FOXJ3: variants seen among roughly 807,000 people sequenced by gnomAD.
The protein encoded by FOXJ3 is forkhead box J3.
FOXJ3 carries 22 observed loss-of-function variants against 76.1 expected under a neutral mutation model. That is an observed-to-expected ratio of 0.29 (90% CI 0.21 to 0.41). The LOEUF is 0.41. Among genes scored for constraint, FOXJ3 ranks in the 10% least tolerant of loss-of-function variants. The pLI is 1.00. For missense variants in FOXJ3, 613 were observed against 762.1 expected (o/e 0.80, Z 2.30); for synonymous variants, 269 against 261.2 (o/e 1.03, Z -0.29).
chr1:42,326,777 T>C (rs114023525), intron 1 of FOXJ3, among the ~76,000 whole-genome samples: 24 of 152,310 alleles, frequency 1.6e-4, no homozygotes, highest in African/African-American at 5.8e-4. Context: ...GATATTATCA[T>C]ATGTTCTGCT....
chr1:42,330,413 G>A (rs911927666), intron 1 of FOXJ3, among the ~76,000 whole-genome samples: 2 of 152,172 alleles, frequency 1.3e-5, no homozygotes, highest in East Asian at 1.9e-4. Flanking sequence ...CAGGGTTGGC[G>A]GATCACTTGA....
rs61753350 is a variant in FOXJ3, at chr1:42,189,383, G to A, written c.1373C>T (p.Ala458Val). 1.9e-5 allele frequency: 31 copies of A among 1,611,342 alleles called. No individual in the cohort carries two copies. The highest frequency in any genetic ancestry group is 4.0e-5 in the African/African-American group (3 of 74,854). Residue 458 changes from alanine to valine, a missense_variant, in exon 10 of 13, where the codon GCG becomes GTG. Coordinates refer to ENST00000361346, the MANE Select transcript of FOXJ3 (RefSeq NM_014947.5). ...CNSGVSNDWY[A>V]TLDMLKESCR... ...GCTTTCTTTTAGCATATCAAGTGTC[G>A]CATACCAATCATTTGAAACACCTAT...
At chr1:42,253,860 C>G (rs1166584214) in intron 4 of FOXJ3, among the ~76,000 whole-genome samples, 1 of 152,046 alleles carries the variant, frequency 6.6e-6, no homozygotes, top group East Asian at 1.9e-4. Flanking sequence ...CATAAAAACC[C>G]TAGAAGAAAA....
At chr1:42,300,119 G>A (rs776101883) in intron 2 of FOXJ3, among the ~76,000 whole-genome samples, 2 of 152,044 alleles carry the variant, frequency 1.3e-5, no homozygotes, top group Non-Finnish European at 2.9e-5. Flanking sequence ...AGCATCACTT[G>A]TACCCGGGAG....
chr1:42,322,952 T>C (rs182705175), intron 1 of FOXJ3, among the ~76,000 whole-genome samples: 3 of 152,278 alleles, frequency 2.0e-5, no homozygotes, highest in East Asian at 3.9e-4. Context: ...TGTTTTAATA[T>C]AGAATTAAAA....
intron 4 of FOXJ3, among the ~76,000 whole-genome samples, chr1:42,259,733 A>C (rs1650889707): frequency 6.6e-6 from 1 of 152,260 alleles, no homozygotes; most frequent in Non-Finnish European, 1.5e-5. Flanking sequence ...AATGGCACTA[A>C]TCCATTTCTT....
At chr1:42,199,623 TA>T (rs34647911) in intron 6 of FOXJ3, among the ~76,000 whole-genome samples, 51,095 of 145,522 alleles carry the variant, frequency 0.35, 10,297 homozygotes, top group African/African-American at 0.59. Flanking sequence ...ACGAAGCACA[TA>T]AAAAAAAAAA....
intron 2 of FOXJ3, among the ~76,000 whole-genome samples, chr1:42,287,732 G>A (rs546944712): frequency 2.0e-5 from 3 of 152,188 alleles, no homozygotes; most frequent in East Asian, 3.9e-4. Context: ...AGGAAGAGAC[G>A]GGCAGATCGC....
intron 4 of FOXJ3, among the ~76,000 whole-genome samples, chr1:42,256,903 G>T (rs1650635297): frequency 6.6e-6 from 1 of 152,182 alleles, no homozygotes; most frequent in South Asian, 2.1e-4. Context: ...ACAAACAAGT[G>T]ATATATGTAG....
rs1186059926 is a variant in FOXJ3 at position 42,179,796 on chromosome 1, T to C, written c.1783A>G (p.Met595Val). The C allele has an allele frequency of 3.1e-6, 5 of 1,613,828 alleles. No homozygotes were observed. The highest frequency in any genetic ancestry group is 2.2e-5 in the East Asian group (1 of 44,886). ...GHHRAMNQQH[M>V]MPSQAFQMRR... ...ATCTGGAAGGCTTGGGAAGGCATCATGTGCTGCTGGTTCATGGCTCTGTGA... is the reference window on the plus strand; with the variant it reads ...ATCTGGAAGGCTTGGGAAGGCATCACGTGCTGCTGGTTCATGGCTCTGTGA... Residue 595 changes from methionine (M) to valine (V), a missense_variant, in exon 13 of 13, where the codon ATG becomes GTG. Physicochemically the swap from Met to Val is conservative, Grantham distance 21. Coordinates refer to ENST00000361346, the MANE Select transcript of FOXJ3 (RefSeq NM_014947.5).
chr1:42,248,804 T>C (rs1180867248), intron 4 of FOXJ3, among the ~76,000 whole-genome samples: 1 of 143,514 alleles, frequency 7.0e-6, no homozygotes, highest in Non-Finnish European at 1.5e-5. Flanking sequence ...TACATAGGTA[T>C]AAGTGTGCCA....
At chr1:42,268,985 C>T (rs780818969) in intron 3 of FOXJ3, among the ~76,000 whole-genome samples, 6 of 152,062 alleles carry the variant, frequency 3.9e-5, no homozygotes, top group Non-Finnish European at 8.8e-5. Context: ...CAGGCCATCA[C>T]CAGAATCTGC....
At chr1:42,262,832 G>C (rs913176446) in intron 4 of FOXJ3, among the ~76,000 whole-genome samples, 5 of 152,212 alleles carry the variant, frequency 3.3e-5, no homozygotes, top group Admixed American at 2.6e-4. Context: ...CTGGGCAACA[G>C]AGTGAGACTC....
At chr1:42,231,420 T>C (rs1648103443) in intron 4 of FOXJ3, among the ~76,000 whole-genome samples, 1 of 152,108 alleles carries the variant, frequency 6.6e-6, no homozygotes, top group South Asian at 2.1e-4. Flanking sequence ...CACTTATAAG[T>C]ACTAAAATTC....
intron 5 of FOXJ3, among the ~76,000 whole-genome samples, chr1:42,214,165 A>T (rs1257745540): frequency 2.0e-5 from 3 of 152,202 alleles, no homozygotes; most frequent in Admixed American, 1.3e-4. Context: ...AAAACAGTAA[A>T]TTAAACAAAC....
chr1:42,276,121 T>A (rs558810836), intron 3 of FOXJ3, among the ~76,000 whole-genome samples: 1 of 152,232 alleles, frequency 6.6e-6, no homozygotes, highest in East Asian at 1.9e-4. Context: ...TTTGGGAGGC[T>A]GAGGCAGGTG....
intron 4 of FOXJ3, among the ~76,000 whole-genome samples, chr1:42,257,486 C>T (rs1256577912): frequency 1.3e-5 from 2 of 151,950 alleles, no homozygotes; most frequent in East Asian, 1.9e-4. Context: ...GAGGCCAACG[C>T]GGGTGGATAA....
Position 42,324,122 on chromosome 1 carries a change from C to CAGTATATAT in FOXJ3, c.-18+10936_-18+10937insATATATACT, listed in dbSNP as rs1557726070. On this transcript the variant is annotated intron_variant, in intron 1 of 12. Transcript: ENST00000361346. Reference sequence around the variant, plus strand: ...ATACTGTGTATATACACTGTATATACACAGTGTATATACAGTATATATACT... The same window carrying CAGTATATAT: ...ATACTGTGTATATACACTGTATATACAGTATATATACAGTGTATATACAGTATATATACT... 9.2e-5 allele frequency among the ~76,000 whole-genome samples: 12 copies of CAGTATATAT among 130,176 alleles called. 3 individuals carry two copies. Among genetic ancestry groups the CAGTATATAT allele is most frequent in the East Asian group, 4.6e-4 (2 of 4,344 alleles). 85.4% of individuals were successfully genotyped at this position (130,176 alleles called of 152,430 possible).
intron 10 of FOXJ3, 142 bp downstream of exon 10, chr1:42,189,161 C>T: frequency 1.5e-6 from 1 of 684,438 alleles, no homozygotes; most frequent in South Asian, 2.0e-5. Flanking sequence ...TACCAAGTGG[C>T]CAAAATTATT....
Sources: allele counts gnomAD v4.1 joint callset (sites outside exome capture counted in the v4.1 genomes callset), GRCh38; gene constraint gnomAD v4.1.1; transcripts MANE v1.5; gene names NCBI Gene and HGNC (gene_info 2026-07-23, HGNC 2026-07-21).